ANKRD27: variants seen among roughly 807,000 people sequenced by gnomAD.
ANKRD27 encodes the protein ankyrin repeat domain 27.
A neutral mutation model predicts 129.7 loss-of-function variants in ANKRD27; 112 were observed. The observed-to-expected ratio is 0.86, with a 90% CI of 0.74 to 1.01. The LOEUF is 1.01. Ranked by LOEUF, ANKRD27 falls within the 50% of genes least tolerant of loss-of-function variation. The pLI, the probability that ANKRD27 is intolerant of heterozygous loss-of-function variation, is 0.00. For synonymous variants in ANKRD27, 516 were observed against 511.2 expected (o/e 1.01, Z -0.13); for missense variants, 1,258 against 1,300.5 (o/e 0.97, Z 0.50).
chr19:32,650,678 TAAAAAAAAAA>T (rs929043931), intron 2 of ANKRD27, among the ~76,000 whole-genome samples: 16 of 128,674 alleles, frequency 1.2e-4, no homozygotes, highest in African/African-American at 4.6e-4. Context: ...ACTCTGTCTT[TAAAAAAAAAA>T]AAAAAAAAAA....
intron 3 of ANKRD27, among the ~76,000 whole-genome samples, chr19:32,649,382 G>A (rs896281268): frequency 6.6e-5 from 10 of 152,106 alleles, no homozygotes; most frequent in African/African-American, 1.9e-4. Context: ...CCTTTGGCTC[G>A]GACATCAGCA....
chr19:32,643,263 G>A (rs1349412274), intron 8 of ANKRD27, 24 bp downstream of exon 8: 3 of 1,613,844 alleles, frequency 1.9e-6, no homozygotes, highest in Non-Finnish European at 2.5e-6. Flanking sequence ...CTTCCATCTT[G>A]GGTGATAATA....
chr19:32,664,477 G>A (rs749482130), intron 1 of ANKRD27, among the ~76,000 whole-genome samples: 1 of 151,872 alleles, frequency 6.6e-6, no homozygotes, highest in Non-Finnish European at 1.5e-5. Flanking sequence ...AAATTAGCCA[G>A]GTATGATGGC....
At chr19:32,646,722 A>C in intron 3 of ANKRD27, 107 bp from the exon 4 acceptor site, 1 of 1,247,888 alleles carries the variant, frequency 8.0e-7, no homozygotes, top group Non-Finnish European at 1.1e-6. Context: ...CCTTCACCCC[A>C]TTGTGGGTTT....
At chr19:32,625,834 G>T in intron 17 of ANKRD27, 40 bp downstream of exon 17, 1 of 1,457,220 alleles carries the variant, frequency 6.9e-7, no homozygotes, top group Non-Finnish European at 9.2e-7. Context: ...GAGTGGGAAA[G>T]GGTGAACGCA....
intron 1 of ANKRD27, among the ~76,000 whole-genome samples, chr19:32,674,579 G>A (rs1215187887): frequency 2.0e-5 from 3 of 149,534 alleles, no homozygotes; most frequent in Non-Finnish European, 3.0e-5. Context: ...AGACCCCCCC[G>A]CCCTGCGAGA....
intron 14 of ANKRD27, 131 bp from the exon 15 acceptor site, chr19:32,628,296 C>A: frequency 1.4e-6 from 1 of 707,678 alleles, no homozygotes. Flanking sequence ...ATGTGTGTCT[C>A]CGGCACTGTC....
chr19:32,673,982 C>CA (rs59398609), intron 1 of ANKRD27, among the ~76,000 whole-genome samples: 4,437 of 110,890 alleles, frequency 0.04, 107 homozygotes, highest in East Asian at 0.12. Context: ...TCCATCTCTA[C>CA]AAAAAAAAAA....
intron 2 of ANKRD27, among the ~76,000 whole-genome samples, chr19:32,656,054 G>GAAAGAAAAGAAAGAAAGA (rs1967513504): frequency 2.8e-5 from 1 of 35,648 alleles, no homozygotes; most frequent in African/African-American, 1.0e-4. Context: ...AGAAAGAAAA[G>GAAAGAAAAGAAAGAAAGA]AAAGAAAAGA....
chr19:32,639,371 G>T lies in ANKRD27; in HGVS notation c.1101C>A (p.Leu367=). The T allele has an allele frequency of 6.2e-7, 1 of 1,614,234 alleles. No individual in the cohort carries two copies. Residue 367 remains leucine, a synonymous_variant, in exon 12 of 29, where the codon CTC becomes CTA. Transcript: ENST00000306065. The part of the protein sequence containing the change: ...AAIEYIRQGS[L]SAKPPESEGF... ...GAGATCTTACAGGGGGTTTAGCAGA[G>T]AGGCTTCCTTGCCGAATATATTCAA...
Position 32,607,732 on chromosome 19 carries a change from A to AG in ANKRD27, c.2275dup (p.Leu759ProfsTer47). 6.2e-7 allele frequency: 1 copy of AG among 1,612,956 alleles called. No individual in the cohort carries two copies. Among genetic ancestry groups the AG allele is most frequent in the South Asian group, 1.1e-5 (1 of 90,956 alleles). ...CCCGTGCTTCAGCAGGAGGGGGATGAGGTCCGCCCGGCCGTGCAGGGCGGC... is the reference window on the plus strand; with the variant it reads ...CCCGTGCTTCAGCAGGAGGGGGATGAGGGTCCGCCCGGCCGTGCAGGGCGGC... On this transcript the variant is annotated frameshift_variant, in exon 23 of 29. Transcript: ENST00000306065. LOFTEE classifies it high-confidence loss of function.
At chr19:32,651,170 C>T (rs542049204) in intron 2 of ANKRD27, among the ~76,000 whole-genome samples, 1 of 152,254 alleles carries the variant, frequency 6.6e-6, no homozygotes, top group South Asian at 2.1e-4. Flanking sequence ...AGTGGCCTCA[C>T]CACTGCAGTT....
At chr19:32,643,724 C>T in intron 5 of ANKRD27, 93 bp from the exon 6 acceptor site, 1 of 1,293,772 alleles carries the variant, frequency 7.7e-7, no homozygotes, top group South Asian at 1.2e-5. Flanking sequence ...GCTTCAAGTG[C>T]TAACACAAGC....
chr19:32,673,947 G>C (rs982363649), intron 1 of ANKRD27, among the ~76,000 whole-genome samples: 35 of 144,666 alleles, frequency 2.4e-4, no homozygotes, highest in Non-Finnish European at 5.1e-4. Context: ...AGGAGTTCAA[G>C]ACCAGCCTAG....
chr19:32,622,649 C>A, intron 17 of ANKRD27, 30 bp from the exon 18 acceptor site: 1 of 1,609,404 alleles, frequency 6.2e-7, no homozygotes, highest in South Asian at 1.1e-5. Flanking sequence ...TGGCATCGCT[C>A]ATGGATGTAC....
chr19:32,644,162 A>T (rs1449551486), intron 5 of ANKRD27, among the ~76,000 whole-genome samples, 163 bp downstream of exon 5: 2 of 152,096 alleles, frequency 1.3e-5, no homozygotes, highest in Non-Finnish European at 2.9e-5. Flanking sequence ...GGCTTGTACC[A>T]CCATGCCCGG....
At position 32,622,433 on chromosome 19, in the gene ANKRD27, A is replaced by G; in HGVS notation, c.1816T>C (p.Leu606=). Residue 606 remains leucine (L), a synonymous_variant, in exon 18 of 29, where the codon TTA becomes CTA. Coordinates refer to ENST00000306065, the MANE Select transcript of ANKRD27 (RefSeq NM_032139.3). ...ATGGGAAGAGCTACCTTTGAGTTTA[A>G]TGCACACTTGAGGGGCGTCTCCTTC... ...RLKETPLKCA[L]NSKILSVMEA... 2 of 1,613,442 alleles carry G rather than the reference A, an allele frequency of 1.2e-6. No individual in the cohort carries two copies. Among genetic ancestry groups the G allele is most frequent in the Non-Finnish European group, 1.7e-6 (2 of 1,179,938 alleles).
At chr19:32,614,881 T>A (rs1971890669) in intron 22 of ANKRD27, among the ~76,000 whole-genome samples, 2 of 152,134 alleles carry the variant, frequency 1.3e-5, no homozygotes, top group Non-Finnish European at 2.9e-5. Context: ...AATGTTGATA[T>A]CCTGGCTGTG....
At chr19:32,643,537 C>A in intron 6 of ANKRD27, 35 bp downstream of exon 6, 2 of 1,613,830 alleles carry the variant, frequency 1.2e-6, no homozygotes, top group Non-Finnish European at 1.7e-6. Flanking sequence ...TGGGGGTGCA[C>A]CACAATTCTC....
Sources: gnomAD v4.1 joint callset for allele counts (sites outside exome capture counted in the v4.1 genomes callset) on GRCh38, gnomAD v4.1.1 for gene constraint, MANE v1.5 for transcripts, NCBI Gene and HGNC (gene_info 2026-07-23, HGNC 2026-07-21) for gene names.